KCNN4: variants seen among roughly 807,000 people sequenced by gnomAD.
KCNN4 encodes intermediate conductance calcium-activated potassium channel protein 4.
KCNN4 carries 31 observed loss-of-function variants against 45.2 expected under a neutral mutation model. That is an observed-to-expected ratio of 0.69 (90% CI 0.52 to 0.92). KCNN4 has a LOEUF of 0.92. KCNN4 is among the 40% of genes least tolerant of loss of function. The pLI is 0.00. For synonymous variants in KCNN4, 231 were observed against 254.6 expected, an observed-to-expected ratio of 0.91 and a Z score of 0.88; for missense variants, 463 against 574.0, an observed-to-expected ratio of 0.81 and a Z score of 1.98.
Position 43,774,748 on chromosome 19 carries a change from G to A in KCNN4, c.256-129C>T. 3 of 710,382 alleles carry A rather than the reference G, an allele frequency of 4.2e-6. No individual in the cohort carries two copies. The highest frequency in any genetic ancestry group is 3.5e-5 in the Admixed American group (1 of 28,452). 44.0% of individuals were successfully genotyped at this position (710,382 alleles called of 1,614,324 possible). ...CTGGCCAGGAGGGAGGGAGTGCAGG[G>A]CGGGAGAGGGATAGGGAGGGAGCGG... is the stretch of plus-strand genomic sequence containing the variant. On this transcript the variant is annotated intron_variant, in intron 2 of 8. Coordinates refer to ENST00000648319, the MANE Select transcript of KCNN4 (RefSeq NM_002250.3). This position sits in a 1 kb window ranked among gnomAD's most constrained non-coding sequence, Gnocchi z 5.6.
At chr19:43,771,197 T>A (rs753408073) in intron 4 of KCNN4, among the ~76,000 whole-genome samples, 1 of 152,008 alleles carries the variant, frequency 6.6e-6, no homozygotes, top group Non-Finnish European at 1.5e-5. Flanking sequence ...GATGTCAGGG[T>A]TCAGGAAGAG....
chr19:43,769,193 C>A lies in KCNN4; in HGVS notation c.1050-161G>T, dbSNP rs904786832. On this transcript the variant is annotated intron_variant, in intron 6 of 8. Coordinates refer to ENST00000648319, the MANE Select transcript of KCNN4 (RefSeq NM_002250.3). This position sits in a 1 kb window ranked among gnomAD's most constrained non-coding sequence, Gnocchi z 4.4. ...TGGGAGGGGATGCACCCTGCCTCCCCACGAGCCCCCATCCCCAGTAGAAAC... is the reference window on the plus strand; with the variant it reads ...TGGGAGGGGATGCACCCTGCCTCCCAACGAGCCCCCATCCCCAGTAGAAAC... 2.6e-5 allele frequency: 20 copies of A among 779,278 alleles called. 1 individual carries two copies. In the South Asian group the frequency reaches 3.1e-4, roughly 12 times the overall value. The allele number at this position is 779,278 out of a possible 1,614,324, so 48.3% of individuals were successfully genotyped here. A position where few individuals can be genotyped will look rare whatever the true frequency, so the allele number is the denominator to read the frequency against.
intron 1 of KCNN4, among the ~76,000 whole-genome samples, chr19:43,778,942 C>T (rs1336430702): frequency 6.6e-6 from 1 of 152,172 alleles, no homozygotes; most frequent in Non-Finnish European, 1.5e-5. Context: ...TGGCTCAGGC[C>T]TGTAATCCCA....
intron 1 of KCNN4, among the ~76,000 whole-genome samples, chr19:43,777,624 G>C (rs549394937): frequency 6.6e-6 from 1 of 151,054 alleles, no homozygotes; most frequent in South Asian, 2.1e-4. Flanking sequence ...GCCCAGGGCA[G>C]ATCTGGCCGG....
At position 43,774,353 on chromosome 19, in the gene KCNN4, C is replaced by G. The variant is rs1203033459; in HGVS notation, c.522G>C (p.Leu174=). The change falls in exon 3 of 9, where the codon CTG becomes CTC. Residue 174 remains leucine (L), a synonymous_variant. Transcript: ENST00000648319. The surrounding 1 kb of genome is among the most constrained non-coding windows in gnomAD (Gnocchi z 5.6). The part of the protein sequence containing the change: ...PRAVLLRSGV[L]LNASYRSIGA... ...CGATGCTGCGGTAGGAAGCGTTGAGCAGGACGCCGCTGCGCAGGAGCACGG... is the reference window on the plus strand; with the variant it reads ...CGATGCTGCGGTAGGAAGCGTTGAGGAGGACGCCGCTGCGCAGGAGCACGG... The G allele has an allele frequency of 1.9e-6, 3 of 1,609,208 alleles. No homozygotes were observed. Among genetic ancestry groups the G allele is most frequent in the Non-Finnish European group, 2.5e-6 (3 of 1,177,916 alleles).
rs559440024 is a variant in KCNN4 at position 43,770,008 on chromosome 19, C to T, written c.820-179G>A. Among the ~76,000 whole-genome samples, 7 of 152,232 alleles carry T rather than the reference C, an allele frequency of 4.6e-5. No homozygotes were observed. In the East Asian group the frequency reaches 9.7e-4, roughly 21 times the overall value. On this transcript the variant is annotated intron_variant, in intron 4 of 8. Transcript: ENST00000648319. Reference sequence around the variant, plus strand: ...TGGAGCTAGAATCATAAATCGCATACGTCCGAGCCCAAATTTGATGCATAG... The same window carrying T: ...TGGAGCTAGAATCATAAATCGCATATGTCCGAGCCCAAATTTGATGCATAG...
intron 2 of KCNN4, 136 bp downstream of exon 2, chr19:43,776,405 G>A: frequency 3.0e-6 from 2 of 659,964 alleles, no homozygotes; most frequent in South Asian, 1.8e-5. Context: ...CTGGGTAGGT[G>A]AGGGTGTGGA....
intron 8 of KCNN4, chr19:43,767,329 A>G (rs1969507555): frequency 1.7e-6 from 1 of 586,954 alleles, no homozygotes; most frequent in African/African-American, 1.9e-5. Flanking sequence ...GGAGAAGGCC[A>G]TCAAGGGTCA....
chr19:43,767,478 G>A, intron 8 of KCNN4, 62 bp downstream of exon 8: 1 of 1,562,262 alleles, frequency 6.4e-7, no homozygotes, highest in Admixed American at 1.8e-5. Context: ...AGCCACATAG[G>A]GTGCTGGCCA....
chr19:43,773,276 A>G (rs1239305626), intron 3 of KCNN4, among the ~76,000 whole-genome samples: 1 of 152,226 alleles, frequency 6.6e-6, no homozygotes, highest in Non-Finnish European at 1.5e-5. Flanking sequence ...TAGCCTGGAT[A>G]ATTGAGACTC....
chr19:43,767,270 A>T, intron 8 of KCNN4, 181 bp from the exon 9 acceptor site: 1 of 432,208 alleles, frequency 2.3e-6, no homozygotes, highest in Non-Finnish European at 4.3e-6. Flanking sequence ...GGACAGCCAG[A>T]CAATGTGCCC....
At chr19:43,768,491 G>A (rs546320207) in intron 7 of KCNN4, among the ~76,000 whole-genome samples, 25 of 152,338 alleles carry the variant, frequency 1.6e-4, no homozygotes, top group African/African-American at 2.6e-4. Context: ...TTGCATGGAC[G>A]TCCCTGTTGC....
In KCNN4 at chr19:43,767,659, G is replaced by C. The variant is rs200755307; in HGVS notation, c.1168C>G (p.Arg390Gly). The change falls in exon 8 of 9, where the codon CGG (arginine) becomes GGG (glycine). Residue 390 changes from arginine (R) to glycine (G), a missense_variant. Arg to Gly is a moderately radical substitution (Grantham distance 125). Around this residue, in one of 3 missense-constraint regions of KCNN4, gnomAD observed 129 missense variants for 149.4 expected, o/e 0.86. Transcript: ENST00000648319. Reference sequence around the variant, plus strand: ...GTGTCAATCTGTTTCTCCAGGGCCCGGTGTGAGCTGCTCAGATTCTGCTGC... The same window carrying C: ...GTGTCAATCTGTTTCTCCAGGGCCCCGTGTGAGCTGCTCAGATTCTGCTGC... ...DLQQNLSSSHRALEKQIDTLA... is the reference protein window; with the variant it reads ...DLQQNLSSSHGALEKQIDTLA... The C allele has an allele frequency of 9.9e-6, 16 of 1,614,032 alleles. No individual in the cohort carries two copies. Among genetic ancestry groups the C allele is most frequent in the Middle Eastern group, 1.6e-4 (1 of 6,084 alleles).
chr19:43,777,038 C>G (rs568214223), intron 1 of KCNN4, among the ~76,000 whole-genome samples: 86 of 152,170 alleles, frequency 5.7e-4, no homozygotes, highest in African/African-American at 2.0e-3. Flanking sequence ...GCTGAGAGAT[C>G]GCGCCACTGC....
At position 43,780,718 on chromosome 19, in the gene KCNN4, C is replaced by G. The variant is rs550354667; in HGVS notation, c.144G>C (p.Trp48Cys). 1.9e-6 allele frequency: 3 copies of G among 1,613,472 alleles called. No homozygotes were observed. The South Asian group carries it at 3.3e-5, about 18-fold the overall frequency. ...CCCCACTCACCGAGCACCCCCCGAACCACAGCATCTCTGCATGCAGCACCA... is the reference window on the plus strand; with the variant it reads ...CCCCACTCACCGAGCACCCCCCGAAGCACAGCATCTCTGCATGCAGCACCA... Reference protein sequence around the residue: ...GLMVLHAEMLWFGGCSWALYL... With the variant: ...GLMVLHAEMLCFGGCSWALYL... The change falls in exon 1 of 9, where the codon TGG (tryptophan) becomes TGC (cysteine). Residue 48 changes from tryptophan to cysteine, a missense_variant. Trp to Cys is a radical substitution (Grantham distance 215). Transcript: ENST00000648319.
Position 43,780,342 on chromosome 19 carries a change from T to C in KCNN4, c.159+361A>G, listed in dbSNP as rs1351189666. Reference sequence around the variant, plus strand: ...CCCTCCTCCCTCAGACCCAAGAGTCTAGGCCCCCAACCTCTCCTCCCTCAG... The same window carrying C: ...CCCTCCTCCCTCAGACCCAAGAGTCCAGGCCCCCAACCTCTCCTCCCTCAG... On this transcript the variant is annotated intron_variant, in intron 1 of 8. Coordinates refer to ENST00000648319, the MANE Select transcript of KCNN4 (RefSeq NM_002250.3). Among the ~76,000 whole-genome samples the C allele has an allele frequency of 1.8e-3, 206 of 111,648 alleles. 1 individual carries two copies. The highest frequency in any genetic ancestry group is 7.2e-3 in the Middle Eastern group (1 of 138). 73.2% of individuals were successfully genotyped at this position (111,648 alleles called of 152,430 possible).
intron 2 of KCNN4, among the ~76,000 whole-genome samples, chr19:43,775,713 A>G (rs1056779461): frequency 2.0e-5 from 3 of 152,184 alleles, no homozygotes; most frequent in South Asian, 4.2e-4. Flanking sequence ...GGGCAATGGG[A>G]CAATAGGGGA....
At chr19:43,775,698 A>G (rs1479864845) in intron 2 of KCNN4, among the ~76,000 whole-genome samples, 8 of 152,102 alleles carry the variant, frequency 5.3e-5, no homozygotes. Flanking sequence ...GAGCAACAGG[A>G]TCTGGGGCAA....
chr19:43,769,276 CAT>C lies in KCNN4; in HGVS notation c.1049+164_1049+165del, dbSNP rs113561398. ...ATGCGGAGACAAACCAGCACAGACA[CAT>C]AGAGTCATGCACGGTCAGATCCAGG... On this transcript the variant is annotated intron_variant, in intron 6 of 8. Coordinates refer to ENST00000648319, the MANE Select transcript of KCNN4 (RefSeq NM_002250.3). The surrounding 1 kb of genome is among the most constrained non-coding windows in gnomAD (Gnocchi z 4.4). 39 of 687,910 alleles carry C rather than the reference CAT, an allele frequency of 5.7e-5. No homozygotes were observed. The African/African-American group carries it at 6.5e-4, about 12-fold the overall frequency. The allele number at this position is 687,910 out of a possible 1,614,324, so 42.6% of individuals were successfully genotyped here. A position where few individuals can be genotyped will look rare whatever the true frequency, so the allele number is the denominator to read the frequency against.
Sources: allele counts gnomAD v4.1 joint callset (sites outside exome capture counted in the v4.1 genomes callset), GRCh38; gene constraint gnomAD v4.1.1; regional missense constraint gnomAD v4.1.1; non-coding constraint Gnocchi (gnomAD v3.1); transcripts MANE v1.5; gene names NCBI Gene and HGNC (gene_info 2026-07-23, HGNC 2026-07-21).